Variants in THSD7A observed in about 807,000 individuals in gnomAD.
THSD7A encodes thrombospondin type 1 domain containing 7A.
A neutral mutation model predicts 231.3 loss-of-function variants in THSD7A; 96 were observed. The ratio of observed to expected loss-of-function variants is 0.41; its 90% CI spans 0.35 to 0.49. The LOEUF is 0.49. THSD7A is among the 20% of genes least tolerant of loss of function. THSD7A has a pLI of 0.05. For missense variants in THSD7A, 2,290 were observed against 2,070.2 expected, an observed-to-expected ratio of 1.11 and a Z score of -2.06; for synonymous variants, 940 against 743.3, an observed-to-expected ratio of 1.26 and a Z score of -4.30.
chr7:11,399,512 TC>T (rs1459650321), intron 23 of THSD7A, among the ~76,000 whole-genome samples: 1 of 152,184 alleles, frequency 6.6e-6, no homozygotes, highest in Non-Finnish European at 1.5e-5. Context: ...GCATTCCATT[TC>T]CTTTTTGCTT....
At chr7:11,577,751 A>G (rs1166711838) in intron 4 of THSD7A, among the ~76,000 whole-genome samples, 1 of 151,880 alleles carries the variant, frequency 6.6e-6, no homozygotes, top group Non-Finnish European at 1.5e-5. Flanking sequence ...TAAGGGGCAG[A>G]TGGAACAGCG....
chr7:11,453,695 C>T (rs1234329786), intron 11 of THSD7A, among the ~76,000 whole-genome samples: 3 of 151,942 alleles, frequency 2.0e-5, no homozygotes, highest in Non-Finnish European at 2.9e-5. Context: ...GAAAATTTAC[C>T]ATCATTTATG....
intron 4 of THSD7A, among the ~76,000 whole-genome samples, chr7:11,557,042 A>ATT (rs145903195): frequency 6.6e-6 from 1 of 151,732 alleles, no homozygotes; most frequent in African/African-American, 2.4e-5. Flanking sequence ...CTCTGAATAC[A>ATT]TTTTTTTTCT....
chr7:11,532,475 TAG>T (rs1186534882), intron 6 of THSD7A, among the ~76,000 whole-genome samples: 2 of 152,166 alleles, frequency 1.3e-5, no homozygotes, highest in Non-Finnish European at 2.9e-5. Context: ...TAGTGAAGGA[TAG>T]AGACAGATAT....
intron 6 of THSD7A, among the ~76,000 whole-genome samples, chr7:11,538,473 A>G (rs1310657760): frequency 1.3e-5 from 2 of 152,180 alleles, no homozygotes; most frequent in Non-Finnish European, 2.9e-5. Flanking sequence ...TAACAAGCCA[A>G]TTTAGGAAAC....
intron 6 of THSD7A, among the ~76,000 whole-genome samples, chr7:11,515,381 T>G (rs1370813665): frequency 6.6e-6 from 1 of 152,184 alleles, no homozygotes; most frequent in East Asian, 1.9e-4. Flanking sequence ...TAACTCTGGC[T>G]TTTGACAATG....
chr7:11,394,018 C>A (rs112891725), intron 23 of THSD7A, among the ~76,000 whole-genome samples: 1 of 152,054 alleles, frequency 6.6e-6, no homozygotes, highest in Non-Finnish European at 1.5e-5. Flanking sequence ...ACAGAGAACA[C>A]CACAAAGATA....
intron 13 of THSD7A, among the ~76,000 whole-genome samples, chr7:11,431,749 G>A (rs1360993577): frequency 6.6e-6 from 1 of 152,022 alleles, no homozygotes; most frequent in African/African-American, 2.4e-5. Flanking sequence ...ATTTTGATAG[G>A]AATTGTGTCA....
intron 6 of THSD7A, among the ~76,000 whole-genome samples, chr7:11,529,902 A>G (rs1583914371): frequency 6.6e-6 from 1 of 152,184 alleles, no homozygotes; most frequent in Admixed American, 6.5e-5. Flanking sequence ...GTAACAACAA[A>G]CACTTAAATA....
intron 8 of THSD7A, among the ~76,000 whole-genome samples, chr7:11,471,705 A>G (rs543200758): frequency 2.6e-5 from 4 of 152,216 alleles, no homozygotes; most frequent in African/African-American, 7.2e-5. Context: ...ACGGACAACA[A>G]ATAAATTTAG....
intron 11 of THSD7A, among the ~76,000 whole-genome samples, chr7:11,454,857 G>A (rs1298999620): frequency 6.6e-6 from 1 of 151,948 alleles, no homozygotes; most frequent in Admixed American, 6.6e-5. Flanking sequence ...TGTTTTCACA[G>A]CTTTCTGAAA....
chr7:11,673,574 T>C (rs975219367), intron 1 of THSD7A, among the ~76,000 whole-genome samples: 17 of 152,110 alleles, frequency 1.1e-4, no homozygotes. Context: ...ACTTACTTCA[T>C]GGCCCCTCCT....
At chr7:11,759,229 G>C (rs1782779743) in intron 1 of THSD7A, among the ~76,000 whole-genome samples, 1 of 151,992 alleles carries the variant, frequency 6.6e-6, no homozygotes, top group Non-Finnish European at 1.5e-5. Flanking sequence ...AGCCTAAGAA[G>C]ATTTATTTGT....
intron 2 of THSD7A, among the ~76,000 whole-genome samples, chr7:11,615,489 C>A (rs2128350560): frequency 6.6e-6 from 1 of 152,330 alleles, no homozygotes; most frequent in East Asian, 1.9e-4. Flanking sequence ...CCCCTTCCTA[C>A]TTTAAACTAG....
At chr7:11,389,714 T>C (rs531062258) in intron 23 of THSD7A, among the ~76,000 whole-genome samples, 2 of 152,034 alleles carry the variant, frequency 1.3e-5, no homozygotes, top group East Asian at 3.9e-4. Flanking sequence ...TTCTTCATAG[T>C]GTTGATGGCC....
intron 2 of THSD7A, among the ~76,000 whole-genome samples, chr7:11,607,125 T>A (rs1007631480): frequency 6.6e-6 from 1 of 152,114 alleles, no homozygotes; most frequent in African/African-American, 2.4e-5. Context: ...TCCCAACTCT[T>A]ATGCTTTCAT....
chr7:11,423,879 T>C (rs1231773572), intron 16 of THSD7A, among the ~76,000 whole-genome samples: 1 of 152,186 alleles, frequency 6.6e-6, no homozygotes, highest in Non-Finnish European at 1.5e-5. Context: ...AGATACTGTA[T>C]GGAAAATTTA....
chr7:11,572,323 C>T (rs1485169258), intron 4 of THSD7A, among the ~76,000 whole-genome samples: 1 of 152,172 alleles, frequency 6.6e-6, no homozygotes, highest in Non-Finnish European at 1.5e-5. Context: ...TTTCTATTGA[C>T]TTGTCTTCAA....
At chr7:11,508,058 C>T (rs1446235514) in intron 6 of THSD7A, among the ~76,000 whole-genome samples, 1 of 151,986 alleles carries the variant, frequency 6.6e-6, no homozygotes, top group Non-Finnish European at 1.5e-5. Context: ...GGAAAAACTG[C>T]CATTTATAAA....
Sources: gnomAD v4.1 joint callset for allele counts (sites outside exome capture counted in the v4.1 genomes callset) on GRCh38, gnomAD v4.1.1 for gene constraint, MANE v1.5 for transcripts, NCBI Gene and HGNC (gene_info 2026-07-23, HGNC 2026-07-21) for gene names.